The following SERHL2 variants were observed in gnomAD, a reference collection of about 807,000 sequenced individuals.
SERHL2 encodes the protein serine hydrolase-like protein 2.
SERHL2 carries 29 observed loss-of-function variants against 25.5 expected under a neutral mutation model. That is an observed-to-expected ratio of 1.14 (90% CI 0.85 to 1.55). The LOEUF (loss-of-function observed/expected upper bound fraction) is 1.55, where lower values mean the gene tolerates loss of function less well. Among genes scored for constraint, SERHL2 ranks in the 40% most tolerant of loss-of-function variants. The probability of loss-of-function intolerance (pLI) is 0.00; values close to 1 mark genes in which losing one functional copy is unlikely to be tolerated. For synonymous variants in SERHL2, 95 were observed against 103.5 expected, an observed-to-expected ratio of 0.92 and a Z score of 0.50; for missense variants, 240 against 252.3, an observed-to-expected ratio of 0.95 and a Z score of 0.33.
rs761535878 is a variant in SERHL2 at position 42,572,438 on chromosome 22, C to T, written c.734C>T (p.Ala245Val). The change falls in exon 11 of 12, where the codon GCA becomes GTA. Residue 245 changes from alanine to valine, a missense_variant and splice_region_variant. Physicochemically the swap from Ala to Val is moderately conservative, Grantham distance 64. Coordinates refer to ENST00000327678, the MANE Select transcript of SERHL2 (RefSeq NM_014509.5). ...KLQAHVLLIKAVHGYFDSRQN... is the reference protein window; with the variant it reads ...KLQAHVLLIKVVHGYFDSRQN... ...ACCCCCAACTCCTCACTTTCCAGAG[C>T]AGTCCACGGATATTTTGATTCAAGA... 6.2e-7 allele frequency: 1 copy of T among 1,607,386 alleles called. No individual in the cohort carries two copies. The highest frequency in any genetic ancestry group is 8.5e-7 in the Non-Finnish European group (1 of 1,174,582).
chr22:42,560,089 G>A (rs1922490300), intron 7 of SERHL2, 97 bp from the exon 8 acceptor site: 1 of 885,162 alleles, frequency 1.1e-6, no homozygotes, highest in Admixed American at 1.8e-5. Flanking sequence ...TGGGATTACA[G>A]GCATGAGCCA....
rs7288003 is a variant in SERHL2, at chr22:42,560,108, C to G, written c.534-78C>G. On this transcript the variant is annotated intron_variant, in intron 7 of 11. Transcript: ENST00000327678. The stretch of plus-strand genomic sequence containing the variant: ...ATTACAGGCATGAGCCACCGTCCCC[C>G]CCGGCCCTCCTCTCCTTTTTATCTG... 1.3e-4 allele frequency: 139 copies of G among 1,073,676 alleles called. 1 individual carries two copies. The Admixed American group carries it at 2.0e-3, about 16-fold the overall frequency. 66.5% of individuals were successfully genotyped at this position (1,073,676 alleles called of 1,614,324 possible).
chr22:42,562,974 G>C (rs1265502241), intron 8 of SERHL2, among the ~76,000 whole-genome samples: 2 of 151,744 alleles, frequency 1.3e-5, no homozygotes, highest in East Asian at 1.9e-4. Flanking sequence ...TGGGAGGACT[G>C]TTTGAGGCCA....
At chr22:42,565,367 C>T (rs1260681757) in intron 8 of SERHL2, 1 of 151,156 alleles carries the variant, frequency 6.6e-6, no homozygotes, top group African/African-American at 2.4e-5. Context: ...ACTCTGTCAC[C>T]TGGGCTGGAA....
At chr22:42,554,654 C>T (rs961430181) in intron 1 of SERHL2, among the ~76,000 whole-genome samples, 2 of 151,864 alleles carry the variant, frequency 1.3e-5, no homozygotes, top group African/African-American at 2.4e-5. Flanking sequence ...TGACCAGCGC[C>T]CCCGCCCCAG....
intron 8 of SERHL2, among the ~76,000 whole-genome samples, chr22:42,562,410 G>T (rs1005241924): frequency 1.3e-5 from 2 of 151,850 alleles, no homozygotes; most frequent in African/African-American, 2.4e-5. Flanking sequence ...GGCAGGGCTG[G>T]TTCCTTCTGA....
intron 11 of SERHL2, chr22:42,573,687 G>A (rs1248729220): frequency 7.4e-6 from 4 of 541,564 alleles, no homozygotes; most frequent in African/African-American, 5.8e-5. Context: ...CCCTGTCCCT[G>A]CCATGCAACT....
At chr22:42,567,644 C>G (rs1391731125) in intron 9 of SERHL2, among the ~76,000 whole-genome samples, 1 of 150,760 alleles carries the variant, frequency 6.6e-6, no homozygotes, top group African/African-American at 2.4e-5. Context: ...GCAGTCCGGC[C>G]TGGGCGACAG....
intron 8 of SERHL2, among the ~76,000 whole-genome samples, chr22:42,563,125 G>A (rs556594869): frequency 1.0e-3 from 156 of 151,976 alleles, no homozygotes; most frequent in Middle Eastern, 6.8e-3. Flanking sequence ...CTCAGGAGTC[G>A]GAGGCTGCAT....
intron 10 of SERHL2, chr22:42,571,428 T>C (rs971058009): frequency 5.1e-6 from 7 of 1,383,694 alleles, no homozygotes; most frequent in Non-Finnish European, 5.6e-6. Flanking sequence ...GGCTGTCCCA[T>C]GCCTTTCCAC....
chr22:42,567,685 T>TCG, intron 9 of SERHL2, among the ~76,000 whole-genome samples: 1 of 150,952 alleles, frequency 6.6e-6, no homozygotes, highest in South Asian at 2.1e-4. Context: ...AAAAAATAAA[T>TCG]AAATAAAAAA....
intron 8 of SERHL2, among the ~76,000 whole-genome samples, chr22:42,562,072 G>A (rs983494575): frequency 6.6e-6 from 1 of 151,728 alleles, no homozygotes; most frequent in Non-Finnish European, 1.5e-5. Flanking sequence ...GTGAACCCTG[G>A]GTCTGGGGGA....
chr22:42,559,609 C>A (rs569385831), intron 7 of SERHL2, among the ~76,000 whole-genome samples: 2 of 151,718 alleles, frequency 1.3e-5, no homozygotes, highest in African/African-American at 4.8e-5. Flanking sequence ...AGGCGTTAGA[C>A]ATTCTCTAGA....
At chr22:42,563,014 G>C (rs1288276306) in intron 8 of SERHL2, among the ~76,000 whole-genome samples, 1 of 151,642 alleles carries the variant, frequency 6.6e-6, no homozygotes, top group African/African-American at 2.4e-5. Context: ...GGCAATATAG[G>C]GAGACACCCC....
intron 9 of SERHL2, chr22:42,569,542 G>A (rs1437765242): frequency 6.6e-6 from 1 of 151,954 alleles, no homozygotes. Flanking sequence ...TTACAGGCGT[G>A]AGTGACTGTG....
chr22:42,570,372 C>T (rs889821599), intron 9 of SERHL2, among the ~76,000 whole-genome samples: 4 of 151,954 alleles, frequency 2.6e-5, no homozygotes, highest in Admixed American at 2.0e-4. Flanking sequence ...AAACTGAGAT[C>T]GCGCCATTGC....
chr22:42,560,950 C>T (rs1158453576), intron 8 of SERHL2, among the ~76,000 whole-genome samples: 6 of 151,856 alleles, frequency 4.0e-5, no homozygotes, highest in Middle Eastern at 3.4e-3. Flanking sequence ...AGTGAGGCTG[C>T]AGTGAGCAAG....
rs1385667985 is a variant in SERHL2 at position 42,571,247 on chromosome 22, T to C, written c.731+44T>C. The C allele has an allele frequency of 1.1e-5, 18 of 1,608,216 alleles. No homozygotes were observed. The Admixed American group carries it at 1.2e-4, about 10-fold the overall frequency. On this transcript the variant is annotated intron_variant, in intron 10 of 11. Coordinates refer to ENST00000327678, the MANE Select transcript of SERHL2 (RefSeq NM_014509.5). ...CCTTCAGCCACCCGCCAAGGAGACA[T>C]GGGCGCCAGGAATCTCCGGGAGGGG...
chr22:42,563,934 G>A (rs562724402), intron 8 of SERHL2, among the ~76,000 whole-genome samples: 1 of 151,724 alleles, frequency 6.6e-6, no homozygotes, highest in Admixed American at 6.6e-5. Context: ...GTAGTTGGGC[G>A]TGATGGCGCA....
Sources: gnomAD v4.1 joint callset for allele counts (sites outside exome capture counted in the v4.1 genomes callset) on GRCh38, gnomAD v4.1.1 for gene constraint, MANE v1.5 for transcripts, NCBI Gene and HGNC (gene_info 2026-07-23, HGNC 2026-07-21) for gene names.